HPCAL1: variants seen among roughly 807,000 people sequenced by gnomAD.
HPCAL1 encodes hippocalcin like 1.
In HPCAL1, 8 loss-of-function variants were observed where a neutral mutation model predicts 17.1. That is an observed-to-expected ratio of 0.47 (90% confidence interval 0.27 to 0.84). The LOEUF is 0.84. HPCAL1 is among the 40% of genes least tolerant of loss of function. The pLI is 0.13. For synonymous variants in HPCAL1, 112 were observed against 111.4 expected, an observed-to-expected ratio of 1.01 and a Z score of -0.03; for missense variants, 165 against 271.1, an observed-to-expected ratio of 0.61 and a Z score of 2.75.
chr2:10,348,496 G>A (rs1572692686), intron 1 of HPCAL1, among the ~76,000 whole-genome samples: 1 of 151,900 alleles, frequency 6.6e-6, no homozygotes, highest in Admixed American at 6.6e-5. Context: ...AGCTGTGGTG[G>A]TTCACACCTG....
intron 1 of HPCAL1, among the ~76,000 whole-genome samples, chr2:10,357,859 C>T (rs1054395355): frequency 6.7e-6 from 1 of 150,278 alleles, no homozygotes. Context: ...GCGTGCTATG[C>T]CAGAAAGCAG....
chr2:10,382,477 G>A (rs1384723932), intron 1 of HPCAL1, among the ~76,000 whole-genome samples: 5 of 151,612 alleles, frequency 3.3e-5, no homozygotes, highest in Admixed American at 6.6e-5. Context: ...GGGTTCATCC[G>A]TTGTAACAAA....
In HPCAL1 at chr2:10,353,604, C is replaced by T. The variant is rs183270930; in HGVS notation, c.-110-43231C>T. Among the ~76,000 whole-genome samples, 12 of 152,302 alleles carry T rather than the reference C, an allele frequency of 7.9e-5. No homozygotes were observed. The East Asian group carries it at 9.6e-4, about 12-fold the overall frequency. ...TTTTTTTGAGACAGGATCTTGCTCT[C>T]TCACCCAGGCTGGAGTGCAGTGACA... On this transcript the variant is annotated intron_variant, in intron 1 of 4. Transcript: ENST00000307845.
intron 1 of HPCAL1, among the ~76,000 whole-genome samples, chr2:10,325,610 C>T (rs1019970932): frequency 3.9e-5 from 6 of 152,218 alleles, no homozygotes; most frequent in South Asian, 4.1e-4. Flanking sequence ...CCCTGGAGGG[C>T]GGTTTCCCTG....
intron 1 of HPCAL1, among the ~76,000 whole-genome samples, chr2:10,368,315 C>T (rs1016881627): frequency 6.9e-6 from 1 of 144,206 alleles, no homozygotes; most frequent in African/African-American, 2.6e-5. Context: ...TGCACATATG[C>T]ACGTGTGGGT....
chr2:10,321,323 C>G (rs960880582), intron 1 of HPCAL1, among the ~76,000 whole-genome samples: 2 of 152,008 alleles, frequency 1.3e-5, no homozygotes, highest in African/African-American at 4.8e-5. Flanking sequence ...ATGATCCAGT[C>G]GTCTCCCACC....
chr2:10,404,014 T>C (rs1669809652), intron 2 of HPCAL1, among the ~76,000 whole-genome samples: 1 of 152,124 alleles, frequency 6.6e-6, no homozygotes, highest in Non-Finnish European at 1.5e-5. Context: ...ATTTGTTCCA[T>C]ATTCTGTTTG....
intron 1 of HPCAL1, among the ~76,000 whole-genome samples, chr2:10,328,038 G>A (rs143021671): frequency 6.6e-6 from 1 of 152,370 alleles, no homozygotes; most frequent in Non-Finnish European, 1.5e-5. Flanking sequence ...AGCTGTTCAT[G>A]TAGCTCAGCT....
At chr2:10,357,964 T>C (rs1235956169) in intron 1 of HPCAL1, among the ~76,000 whole-genome samples, 1 of 152,238 alleles carries the variant, frequency 6.6e-6, no homozygotes, top group Non-Finnish European at 1.5e-5. Flanking sequence ...GCTGTGACCT[T>C]GAGCCGGCAC....
At chr2:10,326,641 C>T (rs976810764) in intron 1 of HPCAL1, among the ~76,000 whole-genome samples, 1 of 152,202 alleles carries the variant, frequency 6.6e-6, no homozygotes, top group Non-Finnish European at 1.5e-5. Context: ...AGGAGGTGTT[C>T]AGCTGGCTGG....
intron 1 of HPCAL1, among the ~76,000 whole-genome samples, chr2:10,328,021 A>G (rs545194457): frequency 6.6e-6 from 1 of 152,334 alleles, no homozygotes; most frequent in South Asian, 2.1e-4. Context: ...CAAGCTGTTC[A>G]TGGTGTAGCT....
intron 1 of HPCAL1, among the ~76,000 whole-genome samples, chr2:10,346,989 T>C (rs1665502684): frequency 1.6e-5 from 2 of 125,258 alleles, no homozygotes; most frequent in Non-Finnish European, 3.2e-5. Flanking sequence ...CTAAGGGATT[T>C]ATATTTGTTT....
chr2:10,353,080 C>A (rs924260299), intron 1 of HPCAL1, among the ~76,000 whole-genome samples: 7 of 152,198 alleles, frequency 4.6e-5, no homozygotes, highest in African/African-American at 1.4e-4. Flanking sequence ...GTGTCCTAAG[C>A]TGGCAGGCAG....
chr2:10,408,969 T>C (rs529993760), intron 2 of HPCAL1, among the ~76,000 whole-genome samples: 4 of 152,240 alleles, frequency 2.6e-5, no homozygotes, highest in African/African-American at 9.6e-5. Context: ...CATTGAAAAG[T>C]AAAAAAGATG....
chr2:10,373,997 C>G (rs1272597457), intron 1 of HPCAL1, among the ~76,000 whole-genome samples: 1 of 152,216 alleles, frequency 6.6e-6, no homozygotes, highest in Non-Finnish European at 1.5e-5. Flanking sequence ...AAAGTCCGTC[C>G]TGGCCAAGTC....
At chr2:10,397,790 G>T (rs1669155923) in intron 2 of HPCAL1, among the ~76,000 whole-genome samples, 1 of 152,208 alleles carries the variant, frequency 6.6e-6, no homozygotes, top group Admixed American at 6.5e-5. Flanking sequence ...GAGCCTGCCA[G>T]CCATGCTGTG....
intron 1 of HPCAL1, chr2:10,369,095 C>A (rs996254977): frequency 6.6e-6 from 1 of 152,166 alleles, no homozygotes; most frequent in Non-Finnish European, 1.5e-5. Flanking sequence ...CGCACTGGAA[C>A]CTGCCCATCA....
rs1004823742 is a variant in HPCAL1 at position 10,342,571 on chromosome 2, T to C, written c.-111+39394T>C. Among the ~76,000 whole-genome samples the C allele has an allele frequency of 3.9e-5, 6 of 152,276 alleles. No homozygotes were observed. Among genetic ancestry groups the C allele is most frequent in the Middle Eastern group, 6.8e-3 (2 of 294 alleles). On this transcript the variant is annotated intron_variant, in intron 1 of 4. Transcript: ENST00000307845. The surrounding 1 kb of genome is among the most constrained non-coding windows in gnomAD (Gnocchi z 4.1). ...CTGGACTTTGCAGGATGCCAGACTTTTGGCAGGGGAGGAAATTGAGGTGAA... is the reference window on the plus strand; with the variant it reads ...CTGGACTTTGCAGGATGCCAGACTTCTGGCAGGGGAGGAAATTGAGGTGAA...
At chr2:10,321,992 TAGAG>T (rs1379478100) in intron 1 of HPCAL1, among the ~76,000 whole-genome samples, 8 of 152,196 alleles carry the variant, frequency 5.3e-5, no homozygotes, top group Admixed American at 1.3e-4. Context: ...CTTAGGCAAA[TAGAG>T]AGACACAATT....
Sources: allele counts gnomAD v4.1 joint callset (sites outside exome capture counted in the v4.1 genomes callset), GRCh38; gene constraint gnomAD v4.1.1; non-coding constraint Gnocchi (gnomAD v3.1); transcripts MANE v1.5; gene names NCBI Gene and HGNC (gene_info 2026-07-23, HGNC 2026-07-21).